CLSTN2: variants seen among roughly 807,000 people sequenced by gnomAD.
The protein encoded by CLSTN2 is calsyntenin 2, also known as calsyntenin-2.
A neutral mutation model predicts 101.2 loss-of-function variants in CLSTN2; 48 were observed. The observed-to-expected ratio is 0.47, with a 90% CI of 0.38 to 0.60. The LOEUF is 0.60. CLSTN2 is among the 20% of genes least tolerant of loss of function. CLSTN2 has a pLI of 0.00. For synonymous variants in CLSTN2, 481 were observed against 463.6 expected, an observed-to-expected ratio of 1.04 and a Z score of -0.48; for missense variants, 1,160 against 1,238.2, an observed-to-expected ratio of 0.94 and a Z score of 0.95.
intron 2 of CLSTN2, among the ~76,000 whole-genome samples, chr3:140,187,128 C>G (rs917004880): frequency 6.6e-6 from 1 of 152,194 alleles, no homozygotes; most frequent in South Asian, 2.1e-4. Flanking sequence ...TATAACACTG[C>G]AGCCTGCCCT....
intron 2 of CLSTN2, among the ~76,000 whole-genome samples, chr3:140,389,265 GA>G (rs2088086185): frequency 6.6e-6 from 1 of 152,154 alleles, no homozygotes; most frequent in Non-Finnish European, 1.5e-5. Context: ...ACATGCATTA[GA>G]TATTTATTCT....
Position 139,949,091 on chromosome 3 carries a change from C to A in CLSTN2, c.109+13608C>A, listed in dbSNP as rs73224947. Among the ~76,000 whole-genome samples, 10 of 152,276 alleles carry A rather than the reference C, an allele frequency of 6.6e-5. 1 individual carries two copies. The South Asian group carries it at 1.0e-3, about 16-fold the overall frequency. ...GCCTGGCAGCCTGGAAGGCCTCCCC[C>A]ACGCTGTCAGCATTTCTGGGAATCC... On this transcript the variant is annotated intron_variant, in intron 1 of 16. Coordinates refer to ENST00000458420, the MANE Select transcript of CLSTN2 (RefSeq NM_022131.3).
At chr3:140,544,381 G>T (rs1440692253) in intron 9 of CLSTN2, among the ~76,000 whole-genome samples, 2 of 152,164 alleles carry the variant, frequency 1.3e-5, no homozygotes, top group African/African-American at 4.8e-5. Context: ...GTGGCACAAA[G>T]GATAGAGATC....
intron 5 of CLSTN2, 41 bp downstream of exon 5, chr3:140,421,315 C>G: frequency 1.2e-6 from 2 of 1,611,176 alleles, no homozygotes; most frequent in Non-Finnish European, 1.7e-6. Context: ...GCAGCATGGT[C>G]TGATGTATAG....
chr3:140,374,719 GA>G (rs1199521419), intron 2 of CLSTN2, among the ~76,000 whole-genome samples: 6 of 152,182 alleles, frequency 3.9e-5, no homozygotes, highest in African/African-American at 1.4e-4. Context: ...TTAAATAAAT[GA>G]AATCAGCAAT....
At chr3:140,078,115 C>A (rs1295099696) in intron 1 of CLSTN2, among the ~76,000 whole-genome samples, 1 of 152,114 alleles carries the variant, frequency 6.6e-6, no homozygotes, top group East Asian at 1.9e-4. Context: ...CCCTCTAGCC[C>A]ACTTGAGCTT....
chr3:140,207,957 A>T (rs1576467540), intron 2 of CLSTN2, among the ~76,000 whole-genome samples: 2 of 152,248 alleles, frequency 1.3e-5, no homozygotes, highest in East Asian at 3.9e-4. Flanking sequence ...TTATAATTAT[A>T]GTAATTATTG....
intron 1 of CLSTN2, among the ~76,000 whole-genome samples, chr3:139,982,102 A>G (rs1935938515): frequency 6.6e-6 from 1 of 152,178 alleles, no homozygotes; most frequent in Non-Finnish European, 1.5e-5. Context: ...GAGAAGCCAA[A>G]TTTACTGTGG....
At chr3:140,561,096 TTC>T (rs1241806224) in intron 12 of CLSTN2, among the ~76,000 whole-genome samples, 1 of 151,982 alleles carries the variant, frequency 6.6e-6, no homozygotes, top group Non-Finnish European at 1.5e-5. Flanking sequence ...TTTTTTAAAT[TTC>T]TGTTTTAATA....
intron 1 of CLSTN2, among the ~76,000 whole-genome samples, chr3:139,976,003 A>G (rs966734296): frequency 1.3e-5 from 2 of 152,228 alleles, no homozygotes; most frequent in African/African-American, 4.8e-5. Flanking sequence ...TGACTTTTCC[A>G]TGAAGTGATT....
intron 1 of CLSTN2, among the ~76,000 whole-genome samples, chr3:139,996,866 G>T (rs1303809436): frequency 6.6e-6 from 1 of 151,890 alleles, no homozygotes; most frequent in Non-Finnish European, 1.5e-5. Flanking sequence ...TGACCAACAT[G>T]AAGAAACCCT....
chr3:139,955,111 G>GATATATATATATAT (rs1560052944), intron 1 of CLSTN2, among the ~76,000 whole-genome samples: 10 of 13,474 alleles, frequency 7.4e-4, no homozygotes, highest in East Asian at 5.4e-3. Flanking sequence ...TGGCAATATT[G>GATATATATATATAT]CTATATATAT....
At chr3:140,035,487 TTAGAGGGTGAACTG>T (rs1204022884) in intron 1 of CLSTN2, among the ~76,000 whole-genome samples, 1 of 152,184 alleles carries the variant, frequency 6.6e-6, no homozygotes. Context: ...TCAGGGACTG[TTAGAGGGTGAACTG>T]TAGAGTCAGT....
chr3:140,059,946 C>A (rs534762332), intron 1 of CLSTN2, among the ~76,000 whole-genome samples: 1 of 152,288 alleles, frequency 6.6e-6, no homozygotes, highest in South Asian at 2.1e-4. Flanking sequence ...ATACACCGAT[C>A]TGGGGAGGAA....
At chr3:140,134,263 TTC>T (rs1310568215) in intron 1 of CLSTN2, among the ~76,000 whole-genome samples, 31 of 152,322 alleles carry the variant, frequency 2.0e-4, no homozygotes, top group African/African-American at 7.2e-4. Context: ...TATGTGCTCA[TTC>T]TCTAAGCTGA....
intron 2 of CLSTN2, among the ~76,000 whole-genome samples, chr3:140,310,710 A>T (rs1360642352): frequency 6.6e-6 from 1 of 151,996 alleles, no homozygotes; most frequent in African/African-American, 2.4e-5. Context: ...CCTCTACTTC[A>T]TTGCATTCTA....
chr3:139,979,321 G>T (rs943844739), intron 1 of CLSTN2, among the ~76,000 whole-genome samples: 1 of 152,154 alleles, frequency 6.6e-6, no homozygotes, highest in African/African-American at 2.4e-5. Context: ...GGGAATCCAG[G>T]GTGAATGTGA....
chr3:140,226,524 A>G (rs1293200799), intron 2 of CLSTN2, among the ~76,000 whole-genome samples: 1 of 152,240 alleles, frequency 6.6e-6, no homozygotes, highest in African/African-American at 2.4e-5. Context: ...ATAAAGTGGT[A>G]TATGGGTATT....
intron 1 of CLSTN2, among the ~76,000 whole-genome samples, chr3:140,009,776 A>G (rs978542345): frequency 6.6e-6 from 1 of 152,232 alleles, no homozygotes; most frequent in Admixed American, 6.5e-5. Context: ...AAAGATTTTC[A>G]TATGTATTTA....
Sources: allele counts gnomAD v4.1 joint callset (sites outside exome capture counted in the v4.1 genomes callset), GRCh38; gene constraint gnomAD v4.1.1; transcripts MANE v1.5; gene names NCBI Gene and HGNC (gene_info 2026-07-23, HGNC 2026-07-21).